MAGI2: variants seen among roughly 807,000 people sequenced by gnomAD.
The protein encoded by MAGI2 is membrane-associated guanylate kinase, WW and PDZ domain-containing protein 2.
In MAGI2, 35 loss-of-function variants were observed where a neutral mutation model predicts 133.3. The ratio of observed to expected loss-of-function variants is 0.26; its 90% CI spans 0.20 to 0.35. The LOEUF (loss-of-function observed/expected upper bound fraction) is 0.35. Ranked by LOEUF, MAGI2 falls within the 10% of genes least tolerant of loss-of-function variation. The pLI is 1.00. For missense variants in MAGI2, 1,636 were observed against 1,863.4 expected (o/e 0.88, Z 2.25); for synonymous variants, 729 against 710.6 (o/e 1.03, Z -0.41).
At chr7:78,126,252 A>G (rs1200041485) in intron 19 of MAGI2, among the ~76,000 whole-genome samples, 1 of 151,262 alleles carries the variant, frequency 6.6e-6, no homozygotes, top group Non-Finnish European at 1.5e-5. Context: ...TGATTAGAAA[A>G]GTAAAATTTA....
At chr7:79,378,988 G>A (rs1843591244) in intron 1 of MAGI2, among the ~76,000 whole-genome samples, 1 of 136,382 alleles carries the variant, frequency 7.3e-6, no homozygotes, top group Non-Finnish European at 1.6e-5. Flanking sequence ...TTAAGTTCTA[G>A]GGTACATGTG....
chr7:78,694,633 C>T (rs1817312991), intron 2 of MAGI2, among the ~76,000 whole-genome samples: 1 of 152,116 alleles, frequency 6.6e-6, no homozygotes, highest in South Asian at 2.1e-4. Context: ...AGACCCCTTC[C>T]ATAATAATGG....
intron 20 of MAGI2, among the ~76,000 whole-genome samples, chr7:78,091,672 T>C (rs1463176935): frequency 6.6e-6 from 1 of 152,192 alleles, no homozygotes; most frequent in East Asian, 1.9e-4. Flanking sequence ...CAGTTGCAGG[T>C]TCCCTAATTC....
At chr7:78,838,067 C>T (rs1178508365) in intron 2 of MAGI2, among the ~76,000 whole-genome samples, 2 of 152,100 alleles carry the variant, frequency 1.3e-5, no homozygotes, top group Non-Finnish European at 2.9e-5. Context: ...AATGCATCCA[C>T]TTTTTTCTGA....
chr7:78,034,090 C>T (rs1293552204), intron 21 of MAGI2, among the ~76,000 whole-genome samples: 3 of 152,208 alleles, frequency 2.0e-5, no homozygotes, highest in Admixed American at 6.5e-5. Context: ...GAAGCACGCT[C>T]ACTCTTAGGG....
chr7:78,338,984 AAAACAAAC>A (rs3061239), intron 9 of MAGI2, among the ~76,000 whole-genome samples: 2,162 of 150,244 alleles, frequency 0.014, 57 homozygotes, highest in African/African-American at 0.05. Flanking sequence ...ATCTCTTGAG[AAAACAAAC>A]AAACAAACAA....
intron 6 of MAGI2, among the ~76,000 whole-genome samples, chr7:78,481,717 A>AAGAG (rs1236025669): frequency 8.1e-6 from 1 of 122,746 alleles, no homozygotes; most frequent in Non-Finnish European, 1.7e-5. Context: ...GGGAAAAAAA[A>AAGAG]ATAGAGAACC....
chr7:78,546,038 T>G (rs1192489112), intron 3 of MAGI2, among the ~76,000 whole-genome samples: 1 of 152,190 alleles, frequency 6.6e-6, no homozygotes, highest in Non-Finnish European at 1.5e-5. Flanking sequence ...AAAATAAAGA[T>G]GTTCATGTAT....
intron 2 of MAGI2, among the ~76,000 whole-genome samples, chr7:78,714,004 T>C (rs1819462862): frequency 6.7e-6 from 1 of 150,060 alleles, no homozygotes; most frequent in South Asian, 2.1e-4. Context: ...ACATTCTTTT[T>C]TTTTTCCACT....
intron 6 of MAGI2, among the ~76,000 whole-genome samples, chr7:78,375,132 C>A (rs1412245833): frequency 6.6e-6 from 1 of 152,094 alleles, no homozygotes; most frequent in Non-Finnish European, 1.5e-5. Flanking sequence ...GGTGCACCAC[C>A]ATTCCCAGGC....
At position 79,129,027 on chromosome 7, in the gene MAGI2, C is replaced by T. The variant is rs184301107; in HGVS notation, c.302-121821G>A. Among the ~76,000 whole-genome samples, 5 of 152,116 alleles carry T rather than the reference C, an allele frequency of 3.3e-5. No homozygotes were observed. In the South Asian group the frequency reaches 6.2e-4, roughly 19 times the overall value. On this transcript the variant is annotated intron_variant, in intron 1 of 21. Transcript: ENST00000354212. ...CTGGGATTACAGGCAGGCACCACCA[C>T]GCTCAGCTAATTTTTGTATTTTTAG...
chr7:79,163,108 A>T (rs1341968345), intron 1 of MAGI2, among the ~76,000 whole-genome samples: 1 of 152,104 alleles, frequency 6.6e-6, no homozygotes, highest in Admixed American at 6.6e-5. Context: ...AAACATCAGT[A>T]TAGGGTACAA....
At chr7:78,773,282 T>C (rs1325364432) in intron 2 of MAGI2, among the ~76,000 whole-genome samples, 1 of 151,930 alleles carries the variant, frequency 6.6e-6, no homozygotes, top group Non-Finnish European at 1.5e-5. Context: ...AGAAAGATCA[T>C]GACTTAAAGA....
chr7:78,594,301 T>C (rs1480374589), intron 3 of MAGI2, among the ~76,000 whole-genome samples: 1 of 152,214 alleles, frequency 6.6e-6, no homozygotes, highest in Non-Finnish European at 1.5e-5. Context: ...CAGGCCTCTG[T>C]AACAACTATT....
chr7:78,785,158 C>A (rs941015609), intron 2 of MAGI2, among the ~76,000 whole-genome samples: 1 of 152,058 alleles, frequency 6.6e-6, no homozygotes, highest in Non-Finnish European at 1.5e-5. Flanking sequence ...TAATTTGAAG[C>A]TATCATTTAA....
intron 1 of MAGI2, among the ~76,000 whole-genome samples, chr7:79,388,171 C>CA (rs1206937243): frequency 6.6e-6 from 1 of 151,748 alleles, no homozygotes; most frequent in Non-Finnish European, 1.5e-5. Context: ...CTATTAAGAC[C>CA]ATTCATTTTT....
intron 10 of MAGI2, among the ~76,000 whole-genome samples, chr7:78,228,444 G>T (rs760095766): frequency 6.4e-4 from 97 of 152,292 alleles, no homozygotes; most frequent in Non-Finnish European, 5.4e-4. Context: ...TTGGCCTTTT[G>T]AGTTAGTATT....
chr7:78,042,211 G>A (rs148671619), intron 21 of MAGI2, among the ~76,000 whole-genome samples: 18 of 152,290 alleles, frequency 1.2e-4, no homozygotes, highest in Non-Finnish European at 2.5e-4. Flanking sequence ...CAGGGTCATG[G>A]GGTCTTTGTT....
chr7:78,461,851 T>C (rs10282316), intron 6 of MAGI2, among the ~76,000 whole-genome samples: 84,557 of 143,652 alleles, frequency 0.59, 24,706 homozygotes, highest in Admixed American at 0.66. Flanking sequence ...GCAGAAGTTG[T>C]GGTGAGCCGA....
Sources: gnomAD v4.1 joint callset for allele counts (sites outside exome capture counted in the v4.1 genomes callset) on GRCh38, gnomAD v4.1.1 for gene constraint, MANE v1.5 for transcripts, NCBI Gene and HGNC (gene_info 2026-07-23, HGNC 2026-07-21) for gene names.